NCAM2: variants seen among roughly 807,000 people sequenced by gnomAD.
NCAM2 encodes the protein N-CAM-2.
A neutral mutation model predicts 98.1 loss-of-function variants in NCAM2; 30 were observed. That is an observed-to-expected ratio of 0.31 (90% confidence interval 0.23 to 0.41). The LOEUF is 0.41. Ranked by LOEUF, NCAM2 falls within the 10% of genes least tolerant of loss-of-function variation. The pLI, the probability that NCAM2 is intolerant of heterozygous loss-of-function variation, is 1.00. For synonymous variants in NCAM2, 368 were observed against 342.4 expected (o/e 1.07, Z -0.83); for missense variants, 867 against 1,005.8 (o/e 0.86, Z 1.87).
intron 12 of NCAM2, among the ~76,000 whole-genome samples, chr21:21,459,023 A>G (rs963684417): frequency 3.3e-4 from 50 of 152,190 alleles, no homozygotes; most frequent in Admixed American, 1.4e-3. Context: ...TAACCCAATT[A>G]AAACATAAGC....
intron 1 of NCAM2, among the ~76,000 whole-genome samples, chr21:21,167,752 C>A (rs902937266): frequency 1.3e-5 from 2 of 152,148 alleles, no homozygotes; most frequent in African/African-American, 4.8e-5. Context: ...ATGACACAAT[C>A]TTCCAGAACT....
intron 1 of NCAM2, among the ~76,000 whole-genome samples, chr21:21,229,079 A>G (rs1157560131): frequency 6.6e-6 from 1 of 151,496 alleles, no homozygotes; most frequent in Non-Finnish European, 1.5e-5. Context: ...AATGGTGGAC[A>G]TTTTCTTCTT....
chr21:21,461,376 G>A (rs974604519), intron 12 of NCAM2, among the ~76,000 whole-genome samples: 6 of 151,636 alleles, frequency 4.0e-5, no homozygotes, highest in Non-Finnish European at 5.9e-5. Flanking sequence ...ATAAAATCTC[G>A]CAGCAATTAA....
chr21:21,316,802 C>T (rs1276208609), intron 5 of NCAM2, among the ~76,000 whole-genome samples: 1 of 152,060 alleles, frequency 6.6e-6, no homozygotes, highest in Non-Finnish European at 1.5e-5. Context: ...CCTCAGCCTC[C>T]CAAAGTGCTG....
At chr21:21,280,387 G>A (rs775435765) in intron 1 of NCAM2, among the ~76,000 whole-genome samples, 191 bp from the exon 2 acceptor site, 1 of 152,078 alleles carries the variant, frequency 6.6e-6, no homozygotes, top group Non-Finnish European at 1.5e-5. Context: ...TAGTCTGATG[G>A]TTAAATGCAT....
In NCAM2 at chr21:21,536,035, G is replaced by A. The variant is rs75932776; in HGVS notation, c.2402+1379G>A. ...CAGAACTCTTTCTCTACAGTTTGAT[G>A]CTTGAGGTGACACATTGCTTTTATG... On this transcript the variant is annotated intron_variant, in intron 17 of 17. Coordinates refer to ENST00000400546, the MANE Select transcript of NCAM2 (RefSeq NM_004540.5). 7.9e-5 allele frequency among the ~76,000 whole-genome samples: 12 copies of A among 152,158 alleles called. No homozygotes were observed. The East Asian group carries it at 2.3e-3, about 30-fold the overall frequency.
chr21:21,438,851 G>A (rs1462003901), intron 12 of NCAM2, among the ~76,000 whole-genome samples: 2 of 151,950 alleles, frequency 1.3e-5, no homozygotes, highest in Admixed American at 6.6e-5. Context: ...GGGAAGGTAC[G>A]GAGGGAGAAT....
At chr21:21,327,506 G>A (rs924366467) in intron 6 of NCAM2, among the ~76,000 whole-genome samples, 8 of 151,782 alleles carry the variant, frequency 5.3e-5, no homozygotes, top group Non-Finnish European at 7.4e-5. Flanking sequence ...TCTTAGATTC[G>A]CAGGTTTGTT....
chr21:21,477,251 G>T (rs754358337), intron 14 of NCAM2, 40 bp from the exon 15 acceptor site: 2 of 1,482,256 alleles, frequency 1.3e-6, no homozygotes, highest in Admixed American at 2.0e-5. Flanking sequence ...TCACTTTAGT[G>T]TATGGATATT....
intron 1 of NCAM2, among the ~76,000 whole-genome samples, chr21:21,268,667 A>T (rs1034200241): frequency 1.3e-5 from 2 of 152,150 alleles, no homozygotes; most frequent in African/African-American, 4.8e-5. Context: ...TGATATCCCC[A>T]TAATTCTTAT....
At chr21:21,249,740 A>G (rs1568832624) in intron 1 of NCAM2, among the ~76,000 whole-genome samples, 1 of 152,316 alleles carries the variant, frequency 6.6e-6, no homozygotes, top group East Asian at 1.9e-4. Flanking sequence ...GTGTCCCTAC[A>G]AGGAACAAGA....
At chr21:21,230,310 CT>C (rs767061287) in intron 1 of NCAM2, among the ~76,000 whole-genome samples, 22 of 150,718 alleles carry the variant, frequency 1.5e-4, no homozygotes, top group Non-Finnish European at 2.2e-4. Flanking sequence ...CATTGTCTCA[CT>C]TTTTTTTGAG....
intron 12 of NCAM2, among the ~76,000 whole-genome samples, chr21:21,444,146 T>C (rs938379757): frequency 6.6e-6 from 1 of 152,154 alleles, no homozygotes; most frequent in Non-Finnish European, 1.5e-5. Flanking sequence ...TATTGATTTG[T>C]GTATGTTGAA....
chr21:21,444,842 C>A (rs1246836293), intron 12 of NCAM2, among the ~76,000 whole-genome samples: 1 of 152,002 alleles, frequency 6.6e-6, no homozygotes, highest in African/African-American at 2.4e-5. Flanking sequence ...TTCAATTCTT[C>A]TCTGATCTTA....
chr21:21,198,059 T>C (rs1026731677), intron 1 of NCAM2, among the ~76,000 whole-genome samples: 6 of 152,218 alleles, frequency 3.9e-5, no homozygotes, highest in African/African-American at 1.4e-4. Context: ...TGGGTAATCA[T>C]GTGAGTTAAC....
chr21:21,540,498 T>C lies in NCAM2; in HGVS notation c.*2541T>C, dbSNP rs377074416. 18 of 152,014 alleles carry C rather than the reference T, an allele frequency of 1.2e-4. 1 individual carries two copies. The highest frequency in any genetic ancestry group is 3.6e-4 in the African/African-American group (15 of 41,520). The allele number at this position is 152,014 out of a possible 1,614,324, so 9.4% of individuals were successfully genotyped here. ...TAAAGTATTTTTTTTAATATTTCAATGGAATGCTCCAAATGATTTATAAAA... is the reference window on the plus strand; with the variant it reads ...TAAAGTATTTTTTTTAATATTTCAACGGAATGCTCCAAATGATTTATAAAA... On this transcript the variant is annotated 3_prime_UTR_variant, in exon 18 of 18. Coordinates refer to ENST00000400546, the MANE Select transcript of NCAM2 (RefSeq NM_004540.5).
chr21:21,064,179 G>T (rs1199622581), intron 1 of NCAM2, among the ~76,000 whole-genome samples: 1 of 152,174 alleles, frequency 6.6e-6, no homozygotes, highest in African/African-American at 2.4e-5. Flanking sequence ...TGAGGCTGGA[G>T]ATATTGGTGG....
chr21:21,108,366 T>C (rs2066391473), intron 1 of NCAM2, among the ~76,000 whole-genome samples: 1 of 152,066 alleles, frequency 6.6e-6, no homozygotes, highest in Non-Finnish European at 1.5e-5. Context: ...AGTTGAAAAA[T>C]AGCAATCTAG....
intron 8 of NCAM2, among the ~76,000 whole-genome samples, chr21:21,340,099 A>G (rs1057029054): frequency 6.6e-5 from 10 of 151,830 alleles, no homozygotes; most frequent in Admixed American, 5.3e-4. Flanking sequence ...AAAAAATACA[A>G]TCGTATCTGA....
Sources: gnomAD v4.1 joint callset for allele counts (sites outside exome capture counted in the v4.1 genomes callset) on GRCh38, gnomAD v4.1.1 for gene constraint, MANE v1.5 for transcripts, NCBI Gene and HGNC (gene_info 2026-07-23, HGNC 2026-07-21) for gene names.